Variants in PCDH15 observed in about 807,000 individuals in gnomAD.
PCDH15 encodes the protein protocadherin related 15.
PCDH15 carries 129 observed loss-of-function variants against 178.5 expected under a neutral mutation model. That is an observed-to-expected ratio of 0.72 (90% confidence interval 0.63 to 0.84). The LOEUF (loss-of-function observed/expected upper bound fraction) is 0.84. Among genes scored for constraint, PCDH15 ranks in the 40% least tolerant of loss-of-function variants. PCDH15 has a pLI of 0.00. For synonymous variants in PCDH15, 800 were observed against 732.0 expected, an observed-to-expected ratio of 1.09 and a Z score of -1.50; for missense variants, 2,230 against 2,099.9, an observed-to-expected ratio of 1.06 and a Z score of -1.21.
intron 2 of PCDH15, among the ~76,000 whole-genome samples, chr10:55,600,230 G>A (rs1360561780): frequency 2.0e-5 from 3 of 152,020 alleles, no homozygotes; most frequent in African/African-American, 7.2e-5. Flanking sequence ...CGGGTGTGGT[G>A]GCACATGCCT....
At chr10:54,084,779 C>T (rs1265852269) in intron 16 of PCDH15, among the ~76,000 whole-genome samples, 1 of 152,172 alleles carries the variant, frequency 6.6e-6, no homozygotes, top group African/African-American at 2.4e-5. Context: ...GATGTATAGG[C>T]TTTGCTTATT....
intron 23 of PCDH15, among the ~76,000 whole-genome samples, chr10:53,944,973 T>G (rs916187585): frequency 6.6e-6 from 1 of 152,222 alleles, no homozygotes; most frequent in Non-Finnish European, 1.5e-5. Flanking sequence ...CTAACTTTCT[T>G]GGCCGTTTTA....
intron 21 of PCDH15, among the ~76,000 whole-genome samples, chr10:53,994,144 A>G (rs1255605472): frequency 6.6e-6 from 1 of 152,184 alleles, no homozygotes; most frequent in Non-Finnish European, 1.5e-5. Flanking sequence ...AACTTTTCGC[A>G]CCTTGGTGGA....
chr10:54,547,280 G>T (rs920234266), intron 2 of PCDH15, among the ~76,000 whole-genome samples: 3 of 152,070 alleles, frequency 2.0e-5, no homozygotes, highest in Non-Finnish European at 4.4e-5. Flanking sequence ...AAGCTGGCTT[G>T]CTATCCATCT....
At chr10:55,101,406 C>A (rs201687230) in intron 2 of PCDH15, among the ~76,000 whole-genome samples, 20 of 143,486 alleles carry the variant, frequency 1.4e-4, no homozygotes, top group Middle Eastern at 3.7e-3. Context: ...AAAAAAAAAA[C>A]TTTTTTTTTT....
At chr10:55,132,856 A>G (rs1453067258) in intron 2 of PCDH15, among the ~76,000 whole-genome samples, 1 of 152,156 alleles carries the variant, frequency 6.6e-6, no homozygotes, top group South Asian at 2.1e-4. Flanking sequence ...AGGTTTGGAG[A>G]GTTAACACTG....
chr10:55,366,164 A>G (rs1845355267), intron 2 of PCDH15: 2 of 152,102 alleles, frequency 1.3e-5, no homozygotes, highest in African/African-American at 4.8e-5. Flanking sequence ...CGTAAATTTT[A>G]GTTGAAATTA....
At chr10:54,831,238 G>T (rs1953222367) in intron 3 of PCDH15, among the ~76,000 whole-genome samples, 1 of 151,882 alleles carries the variant, frequency 6.6e-6, no homozygotes, top group Admixed American at 6.6e-5. Flanking sequence ...ATTTTTTCAT[G>T]CTCTTAATAT....
chr10:54,411,870 A>C (rs915479506), intron 3 of PCDH15, among the ~76,000 whole-genome samples: 3 of 152,142 alleles, frequency 2.0e-5, no homozygotes, highest in Non-Finnish European at 4.4e-5. Flanking sequence ...GCATATCCTC[A>C]TTACTTTGAC....
intron 3 of PCDH15, among the ~76,000 whole-genome samples, chr10:54,438,185 CCTT>C (rs1468067534): frequency 6.6e-6 from 1 of 151,320 alleles, no homozygotes. Context: ...ATCCAGATGT[CCTT>C]CTTTTGTCTA....
chr10:54,703,137 T>C (rs2095329128), intron 1 of PCDH15, among the ~76,000 whole-genome samples: 1 of 152,054 alleles, frequency 6.6e-6, no homozygotes, highest in African/African-American at 2.4e-5. Flanking sequence ...CACATGATCA[T>C]CTCAATAGAT....
chr10:53,900,181 A>G (rs2384330), intron 26 of PCDH15, among the ~76,000 whole-genome samples: 76,511 of 147,634 alleles, frequency 0.52, 20,890 homozygotes, highest in Middle Eastern at 0.7. Context: ...ACTTGCATAA[A>G]CACATTCTTT....
In PCDH15 at chr10:54,578,376, T is replaced by C. The variant is rs549430452; in HGVS notation, c.92-50499A>G. On this transcript the variant is annotated intron_variant, in intron 2 of 37. Coordinates refer to ENST00000644397, the MANE Select transcript of PCDH15 (RefSeq NM_001384140.1). ...TATAACATTGTGACATTTGGAAAAA[T>C]TTAATATTTTGTATTTTTAATATAA... Among the ~76,000 whole-genome samples the C allele has an allele frequency of 4.6e-5, 7 of 152,162 alleles. No homozygotes were observed. The East Asian group carries it at 1.4e-3, about 29-fold the overall frequency.
intron 2 of PCDH15, among the ~76,000 whole-genome samples, chr10:54,530,535 T>C (rs1398108855): frequency 6.6e-6 from 1 of 152,302 alleles, no homozygotes; most frequent in Admixed American, 6.5e-5. Flanking sequence ...AGAATGTTTG[T>C]TGACTTTTTC....
intron 33 of PCDH15, among the ~76,000 whole-genome samples, chr10:53,818,979 G>T (rs2076160058): frequency 6.6e-6 from 1 of 151,422 alleles, no homozygotes. Context: ...GAAACTGTTT[G>T]TAAAAAAAAG....
At chr10:54,604,095 T>C (rs2092651376) in intron 2 of PCDH15, among the ~76,000 whole-genome samples, 1 of 151,974 alleles carries the variant, frequency 6.6e-6, no homozygotes, top group Non-Finnish European at 1.5e-5. Context: ...GTTTCTTGTT[T>C]CTTTACCATT....
intron 2 of PCDH15, among the ~76,000 whole-genome samples, chr10:54,626,299 C>T (rs989508450): frequency 2.6e-5 from 4 of 152,018 alleles, no homozygotes; most frequent in Non-Finnish European, 5.9e-5. Context: ...ACAAGGAACA[C>T]AATAGGGGAA....
chr10:55,339,724 C>T (rs977438788), intron 2 of PCDH15, among the ~76,000 whole-genome samples: 9 of 151,998 alleles, frequency 5.9e-5, no homozygotes, highest in Admixed American at 4.6e-4. Context: ...AATAGCAAAT[C>T]GGATCTTACC....
At chr10:55,300,359 C>T (rs1346240744) in intron 1 of PCDH15, among the ~76,000 whole-genome samples, 1 of 152,198 alleles carries the variant, frequency 6.6e-6, no homozygotes, top group South Asian at 2.1e-4. Flanking sequence ...GCATACCACA[C>T]GAAGACACGT....
Sources: gnomAD v4.1 joint callset for allele counts (sites outside exome capture counted in the v4.1 genomes callset) on GRCh38, gnomAD v4.1.1 for gene constraint, MANE v1.5 for transcripts, NCBI Gene and HGNC (gene_info 2026-07-23, HGNC 2026-07-21) for gene names.